The following DEPTOR variants were observed in gnomAD, a reference collection of about 807,000 sequenced individuals.
DEPTOR encodes the protein DEP domain containing MTOR interacting protein.
DEPTOR carries 41 observed loss-of-function variants against 41.6 expected under a neutral mutation model. The observed-to-expected ratio is 0.98, with a 90% CI of 0.77 to 1.28. The LOEUF (loss-of-function observed/expected upper bound fraction) is 1.28, where lower values mean the gene tolerates loss of function less well. Ranked by LOEUF, DEPTOR falls within the 50% of genes most tolerant of loss-of-function variation. DEPTOR has a pLI of 0.00. For missense variants in DEPTOR, 514 were observed against 527.9 expected (o/e 0.97, Z 0.26); for synonymous variants, 195 against 192.3 (o/e 1.01, Z -0.12).
At chr8:119,902,486 T>C (rs10113019) in intron 1 of DEPTOR, among the ~76,000 whole-genome samples, 7,656 of 152,146 alleles carry the variant, frequency 0.05, 298 homozygotes, top group South Asian at 0.16. Flanking sequence ...ACTACAGGCA[T>C]GTGCCACCAC....
At chr8:119,995,535 AAGAT>A (rs1477044607) in intron 4 of DEPTOR, among the ~76,000 whole-genome samples, 20 of 151,608 alleles carry the variant, frequency 1.3e-4, no homozygotes, top group African/African-American at 4.8e-4. Flanking sequence ...GCAGTGGGCC[AAGAT>A]CACGCCACTG....
At chr8:119,874,960 C>T (rs1827213527) in intron 1 of DEPTOR, among the ~76,000 whole-genome samples, 1 of 152,120 alleles carries the variant, frequency 6.6e-6, no homozygotes, top group Admixed American at 6.6e-5. Flanking sequence ...AATTCCCCAG[C>T]TTGTTTTGGT....
intron 1 of DEPTOR, among the ~76,000 whole-genome samples, chr8:119,911,671 T>C (rs1827746109): frequency 1.3e-5 from 2 of 152,140 alleles, no homozygotes; most frequent in African/African-American, 4.8e-5. Flanking sequence ...GAAGGAAGGG[T>C]TATGTAACAT....
intron 3 of DEPTOR, among the ~76,000 whole-genome samples, chr8:119,937,086 C>G (rs1828122624): frequency 6.6e-6 from 1 of 151,788 alleles, no homozygotes; most frequent in South Asian, 2.1e-4. Flanking sequence ...AAACTGAGAT[C>G]CTGAGTTTTA....
chr8:119,935,999 G>GTTTTTTTT (rs67211224), intron 3 of DEPTOR, among the ~76,000 whole-genome samples: 2 of 123,874 alleles, frequency 1.6e-5, no homozygotes, highest in African/African-American at 3.0e-5. Flanking sequence ...TAGTCTAGTT[G>GTTTTTTTT]TTTTTTTTTT....
At chr8:119,971,083 T>C (rs1243855699) in intron 4 of DEPTOR, among the ~76,000 whole-genome samples, 7 of 151,912 alleles carry the variant, frequency 4.6e-5, no homozygotes, top group African/African-American at 1.7e-4. Flanking sequence ...ACAAAAAAAC[T>C]TAGCCGGGCA....
At chr8:119,874,240 C>G (rs765327203) in intron 1 of DEPTOR, 4 of 465,004 alleles carry the variant, frequency 8.6e-6, no homozygotes, top group Non-Finnish European at 1.5e-5. Context: ...AGTCCTGTGC[C>G]GGGCAAAGTC....
rs537761762 is a variant in DEPTOR at position 120,025,881 on chromosome 8, C to T, written c.1101+16748C>T. 1.0e-3 allele frequency among the ~76,000 whole-genome samples: 156 copies of T among 152,076 alleles called. 2 individuals carry two copies. Among genetic ancestry groups the T allele is most frequent in the African/African-American group, 3.3e-3 (139 of 41,502 alleles). On this transcript the variant is annotated intron_variant, in intron 8 of 8. Coordinates refer to ENST00000286234, the MANE Select transcript of DEPTOR (RefSeq NM_022783.4). ...TCATTGGTTTCCCACTGCATCCTTA[C>T]CTTGGCCCAAACGGTCCTACCTGAT...
chr8:120,025,435 T>A (rs548002930), intron 8 of DEPTOR, among the ~76,000 whole-genome samples: 1 of 152,018 alleles, frequency 6.6e-6, no homozygotes, highest in Admixed American at 6.6e-5. Context: ...GGAGAGCCTG[T>A]GAGAGAGAGA....
intron 1 of DEPTOR, among the ~76,000 whole-genome samples, chr8:119,879,592 G>A (rs1194093751): frequency 6.6e-6 from 1 of 151,320 alleles, no homozygotes; most frequent in Non-Finnish European, 1.5e-5. Flanking sequence ...CATGCCTATA[G>A]TCCCATCTAC....
At chr8:120,013,427 T>G (rs1293978369) in intron 8 of DEPTOR, among the ~76,000 whole-genome samples, 1 of 152,240 alleles carries the variant, frequency 6.6e-6, no homozygotes, top group Non-Finnish European at 1.5e-5. Flanking sequence ...ATAATTTCAC[T>G]TACAAAGAAG....
intron 3 of DEPTOR, among the ~76,000 whole-genome samples, chr8:119,942,328 T>C (rs1251276924): frequency 1.1e-4 from 16 of 152,122 alleles, no homozygotes; most frequent in Non-Finnish European, 1.0e-4. Context: ...GTCTCAACCT[T>C]GTGAGTAGTT....
intron 3 of DEPTOR, among the ~76,000 whole-genome samples, chr8:119,964,412 G>A (rs1828529008): frequency 6.6e-6 from 1 of 151,508 alleles, no homozygotes. Context: ...CTACTCTGGA[G>A]GCCAAGGCAG....
intron 4 of DEPTOR, among the ~76,000 whole-genome samples, chr8:119,978,004 T>C (rs1366136323): frequency 6.6e-6 from 1 of 152,158 alleles, no homozygotes; most frequent in African/African-American, 2.4e-5. Context: ...AATATTTCTT[T>C]CCTTCTTGAC....
At chr8:119,875,179 C>T (rs1313569960) in intron 1 of DEPTOR, among the ~76,000 whole-genome samples, 4 of 152,168 alleles carry the variant, frequency 2.6e-5, no homozygotes, top group African/African-American at 7.2e-5. Context: ...TCTAATGAAA[C>T]CTGTCACGCG....
intron 1 of DEPTOR, among the ~76,000 whole-genome samples, chr8:119,920,650 A>C (rs1827877747): frequency 6.6e-6 from 1 of 152,192 alleles, no homozygotes; most frequent in Non-Finnish European, 1.5e-5. Context: ...GGGAGGTGAG[A>C]GAGACAAGGA....
At chr8:119,880,567 A>G (rs930428375) in intron 1 of DEPTOR, among the ~76,000 whole-genome samples, 2 of 152,240 alleles carry the variant, frequency 1.3e-5, no homozygotes, top group African/African-American at 4.8e-5. Context: ...TGAGAATATC[A>G]CATTGCAGTG....
intron 1 of DEPTOR, among the ~76,000 whole-genome samples, chr8:119,928,180 G>T (rs779842012): frequency 5.9e-5 from 9 of 152,156 alleles, no homozygotes; most frequent in Non-Finnish European, 1.0e-4. Context: ...GGCTGTGATT[G>T]TTTCACCCTC....
At chr8:120,045,668 C>A (rs772787286) in intron 8 of DEPTOR, among the ~76,000 whole-genome samples, 12 of 152,240 alleles carry the variant, frequency 7.9e-5, no homozygotes, top group Non-Finnish European at 1.5e-4. Flanking sequence ...AGCCACTGCA[C>A]GTGCCCGGCC....
Sources: allele counts gnomAD v4.1 joint callset (sites outside exome capture counted in the v4.1 genomes callset), GRCh38; gene constraint gnomAD v4.1.1; transcripts MANE v1.5; gene names NCBI Gene and HGNC (gene_info 2026-07-23, HGNC 2026-07-21).